Variants in COMMD1 observed in about 807,000 individuals in gnomAD.
COMMD1 encodes the protein COMM domain-containing protein 1.
COMMD1 carries 10 observed loss-of-function variants against 17.2 expected under a neutral mutation model. The ratio of observed to expected loss-of-function variants is 0.58; its 90% CI spans 0.36 to 0.99. The LOEUF (loss-of-function observed/expected upper bound fraction) is 0.99, where lower values mean the gene tolerates loss of function less well. Among genes scored for constraint, COMMD1 ranks in the 50% least tolerant of loss-of-function variants. The pLI, the probability that COMMD1 is intolerant of heterozygous loss-of-function variation, is 0.01. For synonymous variants in COMMD1, 97 were observed against 91.6 expected, an observed-to-expected ratio of 1.06 and a Z score of -0.34; for missense variants, 270 against 231.8, an observed-to-expected ratio of 1.17 and a Z score of -1.07.
Position 62,020,616 on chromosome 2 carries a change from A to G in COMMD1, c.462+19634A>G, listed in dbSNP as rs576709558. ...AATATTTGGGCTCACTTCCTTAAAC[A>G]AAAGTCACACCTAAAAATCTCTTTG... On this transcript the variant is annotated intron_variant, in intron 2 of 2. Coordinates refer to ENST00000311832, the MANE Select transcript of COMMD1 (RefSeq NM_152516.4). Among the ~76,000 whole-genome samples the G allele has an allele frequency of 1.6e-4, 24 of 152,352 alleles. 1 individual carries two copies. In the South Asian group the frequency reaches 5.0e-3, roughly 32 times the overall value.
chr2:62,092,667 G>A (rs530605918), intron 2 of COMMD1, among the ~76,000 whole-genome samples: 6 of 152,186 alleles, frequency 3.9e-5, no homozygotes, highest in African/African-American at 7.2e-5. Flanking sequence ...GTCAGCCCCC[G>A]GGAGCTCACT....
At chr2:62,123,157 A>C (rs1253557265) in intron 2 of COMMD1, among the ~76,000 whole-genome samples, 1 of 152,084 alleles carries the variant, frequency 6.6e-6, no homozygotes, top group Non-Finnish European at 1.5e-5. Flanking sequence ...CAAAGAATTC[A>C]AGACCAGCCT....
chr2:61,956,392 CA>C (rs145900542), intron 1 of COMMD1, among the ~76,000 whole-genome samples: 12,027 of 151,986 alleles, frequency 0.079, 1,133 homozygotes, highest in African/African-American at 0.23. Context: ...GTTAGCACCT[CA>C]AAATTAATTC....
intron 1 of COMMD1, among the ~76,000 whole-genome samples, chr2:61,900,199 C>G (rs925172720): frequency 3.9e-5 from 6 of 152,172 alleles, no homozygotes; most frequent in Non-Finnish European, 8.8e-5. Flanking sequence ...TTATGCATTT[C>G]AGGGAGGCAG....
intron 1 of COMMD1, among the ~76,000 whole-genome samples, chr2:61,916,908 A>C (rs1670066072): frequency 6.6e-6 from 1 of 152,162 alleles, no homozygotes; most frequent in South Asian, 2.1e-4. Flanking sequence ...AAGAAGTTAA[A>C]TGCCTTCATT....
At chr2:61,917,559 G>A (rs1443847808) in intron 1 of COMMD1, among the ~76,000 whole-genome samples, 1 of 151,272 alleles carries the variant, frequency 6.6e-6, no homozygotes, top group Non-Finnish European at 1.5e-5. Context: ...ACGGAGTCTC[G>A]CTGTGTCTCC....
chr2:61,914,890 A>C (rs111619183), intron 1 of COMMD1, among the ~76,000 whole-genome samples: 3 of 151,482 alleles, frequency 2.0e-5, no homozygotes, highest in African/African-American at 7.3e-5. Context: ...GGGTTTCACC[A>C]TGTTGGTCAG....
intron 1 of COMMD1, among the ~76,000 whole-genome samples, chr2:61,970,935 A>G (rs916644302): frequency 6.6e-6 from 1 of 152,202 alleles, no homozygotes; most frequent in East Asian, 1.9e-4. Flanking sequence ...TGTTTCTGAC[A>G]GGGTCCCTGT....
chr2:62,012,569 G>C (rs1260410123), intron 2 of COMMD1, among the ~76,000 whole-genome samples: 1 of 151,730 alleles, frequency 6.6e-6, no homozygotes, highest in Admixed American at 6.6e-5. Context: ...CCACCCGCCT[G>C]GGCCTCCCAA....
At chr2:61,974,992 CT>C (rs1558543970) in intron 1 of COMMD1, among the ~76,000 whole-genome samples, 1 of 151,888 alleles carries the variant, frequency 6.6e-6, no homozygotes, top group African/African-American at 2.4e-5. Flanking sequence ...ACAGTTTTAC[CT>C]TTTTTAGATT....
At chr2:61,914,743 T>G (rs1351793538) in intron 1 of COMMD1, among the ~76,000 whole-genome samples, 2 of 151,738 alleles carry the variant, frequency 1.3e-5, no homozygotes, top group Non-Finnish European at 2.9e-5. Context: ...CAGGCTGGAG[T>G]GCGGTGGTGC....
chr2:62,071,581 A>C (rs971558937), intron 2 of COMMD1, among the ~76,000 whole-genome samples: 7 of 152,244 alleles, frequency 4.6e-5, no homozygotes, highest in Non-Finnish European at 8.8e-5. Context: ...TGGAGGGGCC[A>C]GTTCTACTTA....
At chr2:62,058,871 C>T (rs567467391) in intron 2 of COMMD1, among the ~76,000 whole-genome samples, 2 of 152,216 alleles carry the variant, frequency 1.3e-5, no homozygotes, top group African/African-American at 4.8e-5. Context: ...ACCTCTGCCT[C>T]CCGGATTCAA....
At chr2:62,013,364 C>CA (rs1228371111) in intron 2 of COMMD1, among the ~76,000 whole-genome samples, 4 of 152,080 alleles carry the variant, frequency 2.6e-5, no homozygotes, top group African/African-American at 9.7e-5. Context: ...TATTCCACTC[C>CA]AAAAAATAGT....
At chr2:62,096,844 GT>G (rs1282333922) in intron 2 of COMMD1, among the ~76,000 whole-genome samples, 1 of 152,206 alleles carries the variant, frequency 6.6e-6, no homozygotes, top group African/African-American at 2.4e-5. Context: ...CTGCATTTTG[GT>G]AGGGAGGATA....
intron 1 of COMMD1, among the ~76,000 whole-genome samples, chr2:61,913,981 C>T (rs1269468567): frequency 1.3e-5 from 2 of 151,860 alleles, no homozygotes; most frequent in Non-Finnish European, 2.9e-5. Context: ...ACCATCCTGG[C>T]CAACATGGGG....
At chr2:62,028,130 T>C (rs950793776) in intron 2 of COMMD1, among the ~76,000 whole-genome samples, 3 of 152,228 alleles carry the variant, frequency 2.0e-5, no homozygotes, top group African/African-American at 7.2e-5. Context: ...AGCAACTAAC[T>C]GCCACCATGG....
chr2:62,011,501 GA>G (rs1283127350), intron 2 of COMMD1, among the ~76,000 whole-genome samples: 1 of 151,996 alleles, frequency 6.6e-6, no homozygotes, highest in Non-Finnish European at 1.5e-5. Context: ...AGAGGACAAA[GA>G]TTTTTTTTTT....
At chr2:61,914,788 T>G (rs1021871625) in intron 1 of COMMD1, among the ~76,000 whole-genome samples, 1 of 151,342 alleles carries the variant, frequency 6.6e-6, no homozygotes, top group Non-Finnish European at 1.5e-5. Flanking sequence ...CATCCTGGGT[T>G]CAAGCGATTC....
Sources: gnomAD v4.1 joint callset for allele counts (sites outside exome capture counted in the v4.1 genomes callset) on GRCh38, gnomAD v4.1.1 for gene constraint, MANE v1.5 for transcripts, NCBI Gene and HGNC (gene_info 2026-07-23, HGNC 2026-07-21) for gene names.